WWOX: variants seen among roughly 807,000 people sequenced by gnomAD.
The protein encoded by WWOX is WW domain-containing oxidoreductase.
In WWOX, 69 loss-of-function variants were observed where a neutral mutation model predicts 46.2. The ratio of observed to expected loss-of-function variants is 1.49; its 90% CI spans 1.23 to 1.82. WWOX has a LOEUF of 1.82. WWOX is among the 40% of genes most tolerant of loss of function. The pLI is 0.00. For missense variants in WWOX, 919 were observed against 542.6 expected, an observed-to-expected ratio of 1.69 and a Z score of -6.89; for synonymous variants, 359 against 202.6, an observed-to-expected ratio of 1.77 and a Z score of -6.56.
At chr16:78,365,852 A>G (rs1341306858) in intron 5 of WWOX, among the ~76,000 whole-genome samples, 1 of 152,132 alleles carries the variant, frequency 6.6e-6, no homozygotes, top group African/African-American at 2.4e-5. Flanking sequence ...GTAAAGAGGA[A>G]AGTGTATAGT....
chr16:78,397,176 T>G (rs2082306493), intron 6 of WWOX, among the ~76,000 whole-genome samples: 1 of 152,206 alleles, frequency 6.6e-6, no homozygotes, highest in Admixed American at 6.5e-5. Context: ...CAGTGTGCTT[T>G]GCTGAGCTTT....
intron 8 of WWOX, among the ~76,000 whole-genome samples, chr16:78,706,149 G>A (rs1295356476): frequency 6.9e-6 from 1 of 144,422 alleles, no homozygotes. Context: ...CTTAATTAAG[G>A]CATTTCCATC....
chr16:78,414,229 G>GC (rs2082747381), intron 6 of WWOX, among the ~76,000 whole-genome samples: 1 of 151,692 alleles, frequency 6.6e-6, no homozygotes, highest in South Asian at 2.1e-4. Flanking sequence ...ATTTCCCTTT[G>GC]CTGACCCCTT....
intron 8 of WWOX, among the ~76,000 whole-genome samples, chr16:78,830,923 CA>C (rs1430468095): frequency 6.6e-6 from 1 of 152,140 alleles, no homozygotes; most frequent in Non-Finnish European, 1.5e-5. Context: ...ATTTATTTAT[CA>C]AAAGGGCCAT....
chr16:79,178,396 A>C (rs187305595), intron 8 of WWOX, among the ~76,000 whole-genome samples: 2 of 152,210 alleles, frequency 1.3e-5, no homozygotes, highest in Admixed American at 1.3e-4. Flanking sequence ...AGCTCACTAC[A>C]GCTTCAACCT....
Position 78,365,574 on chromosome 16 carries a change from C to T in WWOX, c.517-21286C>T, listed in dbSNP as rs76342807. On this transcript the variant is annotated intron_variant, in intron 5 of 8. Coordinates refer to ENST00000566780, the MANE Select transcript of WWOX (RefSeq NM_016373.4). Reference sequence around the variant, plus strand: ...CTGTCCCCAGTAGGATTCTGGAATTCCCTGAATCATAGTGTTGCTTGTAAT... The same window carrying T: ...CTGTCCCCAGTAGGATTCTGGAATTTCCTGAATCATAGTGTTGCTTGTAAT... Among the ~76,000 whole-genome samples, 1,292 of 152,242 alleles carry T rather than the reference C, an allele frequency of 8.5e-3. 11 individuals are homozygous for T. The highest frequency in any genetic ancestry group is 0.029 in the African/African-American group (1,215 of 41,544).
chr16:79,129,736 A>G (rs1291356396), intron 8 of WWOX, among the ~76,000 whole-genome samples: 1 of 152,202 alleles, frequency 6.6e-6, no homozygotes, highest in Non-Finnish European at 1.5e-5. Context: ...CCATTAATAA[A>G]TAAATTATTC....
chr16:78,972,687 C>G (rs1324562726), intron 8 of WWOX, among the ~76,000 whole-genome samples: 1 of 152,232 alleles, frequency 6.6e-6, no homozygotes, highest in East Asian at 1.9e-4. Flanking sequence ...TCCCTTCCAG[C>G]TCAGCTGCCT....
intron 8 of WWOX, among the ~76,000 whole-genome samples, chr16:78,643,348 C>A (rs1328075858): frequency 6.6e-6 from 1 of 152,126 alleles, no homozygotes; most frequent in Non-Finnish European, 1.5e-5. Flanking sequence ...AGTAATGAAA[C>A]TGAGGCTTCT....
chr16:78,194,348 G>T (rs1000131002), intron 5 of WWOX, among the ~76,000 whole-genome samples: 1 of 151,556 alleles, frequency 6.6e-6, no homozygotes, highest in African/African-American at 2.4e-5. Flanking sequence ...TGCAATTTGG[G>T]AGGCCGAGGC....
intron 8 of WWOX, among the ~76,000 whole-genome samples, chr16:78,439,637 A>G (rs576971048): frequency 1.3e-5 from 2 of 152,318 alleles, no homozygotes; most frequent in East Asian, 1.9e-4. Context: ...TAATTTTGAA[A>G]TCATTTGACA....
chr16:78,396,736 C>T (rs4083383), intron 6 of WWOX, among the ~76,000 whole-genome samples: 110,901 of 152,184 alleles, frequency 0.73, 41,153 homozygotes, highest in Non-Finnish European at 0.79. Context: ...TTTTTGCTCT[C>T]ATCAGCCAGA....
chr16:78,527,101 TGTG>T (rs2043488278), intron 8 of WWOX, among the ~76,000 whole-genome samples: 2 of 151,982 alleles, frequency 1.3e-5, no homozygotes, highest in Admixed American at 1.3e-4. Context: ...GAGGTGAGGT[TGTG>T]GTGAGCCGAG....
intron 8 of WWOX, among the ~76,000 whole-genome samples, chr16:78,980,588 G>A (rs528520327): frequency 6.6e-6 from 1 of 152,102 alleles, no homozygotes; most frequent in Admixed American, 6.5e-5. Context: ...CATCTCTCAG[G>A]ATCCTATGTA....
At chr16:78,560,864 T>G (rs1232291984) in intron 8 of WWOX, among the ~76,000 whole-genome samples, 1 of 152,184 alleles carries the variant, frequency 6.6e-6, no homozygotes, top group Non-Finnish European at 1.5e-5. Flanking sequence ...CAGAATTTTT[T>G]TTTCTTTTGC....
intron 8 of WWOX, among the ~76,000 whole-genome samples, chr16:78,755,216 G>GA (rs372774544): frequency 3.9e-4 from 44 of 114,224 alleles, no homozygotes; most frequent in East Asian, 7.3e-4. Flanking sequence ...AAAGTGAAAG[G>GA]AAAAAAAAAA....
chr16:78,118,756 T>A (rs1216719371), intron 4 of WWOX, among the ~76,000 whole-genome samples: 1 of 152,144 alleles, frequency 6.6e-6, no homozygotes, highest in Non-Finnish European at 1.5e-5. Flanking sequence ...ACCCTAACAT[T>A]CTCTAAATTA....
chr16:78,265,894 C>A (rs1180154595), intron 5 of WWOX: 1 of 152,082 alleles, frequency 6.6e-6, no homozygotes, highest in Non-Finnish European at 1.5e-5. Flanking sequence ...TAATATACAT[C>A]CAGTTTCATT....
chr16:78,974,364 G>A (rs1163795368), intron 8 of WWOX, among the ~76,000 whole-genome samples: 1 of 152,122 alleles, frequency 6.6e-6, no homozygotes, highest in African/African-American at 2.4e-5. Flanking sequence ...CATCTTAATT[G>A]AACAGTACGT....
Sources: gnomAD v4.1 joint callset for allele counts (sites outside exome capture counted in the v4.1 genomes callset) on GRCh38, gnomAD v4.1.1 for gene constraint, MANE v1.5 for transcripts, NCBI Gene and HGNC (gene_info 2026-07-23, HGNC 2026-07-21) for gene names.